The following KANSL1 variants were observed in gnomAD, a reference collection of about 807,000 sequenced individuals.
KANSL1 encodes the protein KAT8 regulatory NSL complex subunit 1.
KANSL1 carries 22 observed loss-of-function variants against 103.6 expected under a neutral mutation model. The ratio of observed to expected loss-of-function variants is 0.21; its 90% CI spans 0.15 to 0.30. The LOEUF (loss-of-function observed/expected upper bound fraction) is 0.30. Among genes scored for constraint, KANSL1 ranks in the 10% least tolerant of loss-of-function variants. The pLI is 1.00. For missense variants in KANSL1, 1,337 were observed against 1,399.8 expected (o/e 0.96, Z 0.72); for synonymous variants, 600 against 527.6 (o/e 1.14, Z -1.88).
At chr17:46,142,055 A>T (rs1417622795) in intron 2 of KANSL1, among the ~76,000 whole-genome samples, 1 of 152,106 alleles carries the variant, frequency 6.6e-6, no homozygotes, top group Non-Finnish European at 1.5e-5. Flanking sequence ...CACCTGGCTA[A>T]TTTTTTTGTA....
At position 46,172,180 on chromosome 17, in the gene KANSL1, T is replaced by A; in HGVS notation, c.-37A>T. ...AGACAGGAAGTCCAGCCTCTCCCGATGCCGAGGCCGAGGCCAGCTCCACGG... is the reference window on the plus strand; with the variant it reads ...AGACAGGAAGTCCAGCCTCTCCCGAAGCCGAGGCCGAGGCCAGCTCCACGG... On this transcript the variant is annotated 5_prime_UTR_variant, in exon 2 of 15. Transcript: ENST00000432791. 2.5e-6 allele frequency: 4 copies of A among 1,580,348 alleles called. No homozygotes were observed. The highest frequency in any genetic ancestry group is 4.5e-5 in the East Asian group (2 of 44,454).
At chr17:46,173,222 CTT>C (rs1446946559) in intron 1 of KANSL1, among the ~76,000 whole-genome samples, 1 of 152,206 alleles carries the variant, frequency 6.6e-6, no homozygotes, top group Non-Finnish European at 1.5e-5. Flanking sequence ...CTTCTGCCCT[CTT>C]CTCTCTCAAC....
At position 46,147,826 on chromosome 17, in the gene KANSL1, C is replaced by T. The variant is rs11869218; in HGVS notation, c.1289+23029G>A. On this transcript the variant is annotated intron_variant, in intron 2 of 14. Transcript: ENST00000432791. ...GACGGTATTTTCTCGAAGTTTGGTA[C>T]AAAGATCAAAAATAGAATCACAGGC... Among the ~76,000 whole-genome samples, 562 of 152,172 alleles carry T rather than the reference C, an allele frequency of 3.7e-3. 2 individuals are homozygous for T. Among genetic ancestry groups the T allele is most frequent in the Middle Eastern group, 0.024 (7 of 294 alleles).
intron 6 of KANSL1, among the ~76,000 whole-genome samples, chr17:46,063,978 G>A (rs2078274244): frequency 7.3e-6 from 1 of 136,506 alleles, no homozygotes; most frequent in African/African-American, 2.8e-5. Context: ...TCCTACACTT[G>A]ACAGTAATAT....
chr17:46,107,218 G>A (rs1009094506), intron 2 of KANSL1, among the ~76,000 whole-genome samples: 2 of 152,218 alleles, frequency 1.3e-5, no homozygotes, highest in African/African-American at 4.8e-5. Flanking sequence ...GGATGGATCA[G>A]GAGGTCTGCT....
chr17:46,190,597 G>A (rs556624680), intron 1 of KANSL1, among the ~76,000 whole-genome samples: 4 of 152,280 alleles, frequency 2.6e-5, no homozygotes, highest in Admixed American at 2.0e-4. Flanking sequence ...CACAGACACT[G>A]GTATATACTC....
At chr17:46,049,056 G>A (rs2077612604) in intron 7 of KANSL1, among the ~76,000 whole-genome samples, 3 of 152,112 alleles carry the variant, frequency 2.0e-5, no homozygotes, top group Admixed American at 2.0e-4. Flanking sequence ...CTCTGGTTTG[G>A]TAGATCTGTT....
chr17:46,135,069 C>T (rs2044058406), intron 2 of KANSL1, among the ~76,000 whole-genome samples: 1 of 152,066 alleles, frequency 6.6e-6, no homozygotes. Context: ...AAGTCGGTAT[C>T]ACTTGTGCTT....
rs35638067 is a variant in KANSL1, at chr17:46,062,091, C to CAA, written c.1848+4444_1848+4445dup. Among the ~76,000 whole-genome samples the CAA allele has an allele frequency of 3.2e-3, 226 of 70,030 alleles. 7 individuals carry two copies. The highest frequency in any genetic ancestry group is 0.016 in the Middle Eastern group (2 of 122). The allele number at this position is 70,030 out of a possible 152,430, so 45.9% of individuals were successfully genotyped here. On this transcript the variant is annotated intron_variant, in intron 6 of 14. Transcript: ENST00000432791. ...TGGGTGACAGATCAAGACTCCGACT[C>CAA]AAAAAAAAAAAAAAAAAACAAACAA...
intron 2 of KANSL1, among the ~76,000 whole-genome samples, chr17:46,166,729 A>G (rs551206331): frequency 5.9e-5 from 9 of 152,360 alleles, no homozygotes; most frequent in South Asian, 2.1e-4. Context: ...AAATGAAGCT[A>G]TTAAAAAGGT....
chr17:46,159,202 A>T (rs1032970477), intron 2 of KANSL1, among the ~76,000 whole-genome samples: 1 of 152,238 alleles, frequency 6.6e-6, no homozygotes, highest in Non-Finnish European at 1.5e-5. Context: ...GCCTATGCCT[A>T]TGACAACAGC....
chr17:46,031,981 G>A, intron 14 of KANSL1, 66 bp downstream of exon 14: 2 of 1,608,124 alleles, frequency 1.2e-6, no homozygotes, highest in Non-Finnish European at 1.7e-6. Context: ...CTCTTCAGCA[G>A]ATGCTGCCCC....
At chr17:46,098,741 T>G (rs1420050745) in intron 2 of KANSL1, among the ~76,000 whole-genome samples, 2 of 152,374 alleles carry the variant, frequency 1.3e-5, no homozygotes, top group Non-Finnish European at 2.9e-5. Flanking sequence ...GGTTTAGAAC[T>G]CGAAGTGATT....
At chr17:46,057,281 AT>A (rs1445680806) in intron 6 of KANSL1, among the ~76,000 whole-genome samples, 3 of 152,176 alleles carry the variant, frequency 2.0e-5, no homozygotes, top group Non-Finnish European at 4.4e-5. Context: ...CAGCCCCTTC[AT>A]GAAAAACTTC....
At chr17:46,074,440 C>T (rs2078685800) in intron 4 of KANSL1, among the ~76,000 whole-genome samples, 2 of 152,068 alleles carry the variant, frequency 1.3e-5, no homozygotes, top group Admixed American at 6.6e-5. Flanking sequence ...AGAACAACCA[C>T]CCTTTAGTAA....
intron 1 of KANSL1, among the ~76,000 whole-genome samples, chr17:46,180,817 T>C (rs554482067): frequency 3.3e-4 from 50 of 152,246 alleles, no homozygotes; most frequent in African/African-American, 9.9e-4. Flanking sequence ...CTGGTCAACA[T>C]AGCGAGATCG....
At chr17:46,213,560 G>A (rs1010409234) in intron 1 of KANSL1, among the ~76,000 whole-genome samples, 11 of 148,656 alleles carry the variant, frequency 7.4e-5, no homozygotes, top group African/African-American at 1.7e-4. Flanking sequence ...GGCCCGCCTC[G>A]GCCTCCCAAA....
chr17:46,078,940 A>G (rs1482520171), intron 4 of KANSL1, among the ~76,000 whole-genome samples: 1 of 152,218 alleles, frequency 6.6e-6, no homozygotes, highest in East Asian at 1.9e-4. Flanking sequence ...ATCGGCAGCT[A>G]CCAAGCTAGA....
chr17:46,109,218 G>A (rs867986162), intron 2 of KANSL1, among the ~76,000 whole-genome samples: 1 of 152,146 alleles, frequency 6.6e-6, no homozygotes, highest in African/African-American at 2.4e-5. Context: ...AAAATGTTGG[G>A]ATTACAGGTG....
Sources: gnomAD v4.1 joint callset for allele counts (sites outside exome capture counted in the v4.1 genomes callset) on GRCh38, gnomAD v4.1.1 for gene constraint, MANE v1.5 for transcripts, NCBI Gene and HGNC (gene_info 2026-07-23, HGNC 2026-07-21) for gene names.